Variants in GREM1 observed in about 807,000 individuals in gnomAD.
GREM1 encodes gremlin-1.
In GREM1, 6 loss-of-function variants were observed where a neutral mutation model predicts 13.1. The ratio of observed to expected loss-of-function variants is 0.46; its 90% CI spans 0.25 to 0.91. The LOEUF (loss-of-function observed/expected upper bound fraction) is 0.91. Ranked by LOEUF, GREM1 falls within the 40% of genes least tolerant of loss-of-function variation. The pLI is 0.18. For synonymous variants in GREM1, 98 were observed against 93.7 expected (o/e 1.05, Z -0.27); for missense variants, 185 against 233.9 (o/e 0.79, Z 1.36).
intron 1 of GREM1, chr15:32,718,500 C>G (rs1255355817): frequency 6.5e-6 from 3 of 460,682 alleles, no homozygotes; most frequent in Admixed American, 2.4e-5. Flanking sequence ...GCCCGCTTAG[C>G]GAGGGCGCGA....
rs887100661 is a variant in GREM1 at position 32,744,127 on chromosome 15, T to C, written c.*12882T>C. 2 of 152,216 alleles carry C rather than the reference T, an allele frequency of 1.3e-5. No homozygotes were observed. Among genetic ancestry groups the C allele is most frequent in the Admixed American group, 6.5e-5 (1 of 15,280 alleles). The allele number at this position is 152,216 out of a possible 1,614,324, so 9.4% of individuals were successfully genotyped here. A position where few individuals can be genotyped will look rare whatever the true frequency, so the allele number is the denominator to read the frequency against. ...GGGTATTTGGGCTTCACCTCTTGAA[T>C]GGAGAAGCACCCAAAAATCTGTGGC... On this transcript the variant is annotated 3_prime_UTR_variant, in exon 2 of 2. Transcript: ENST00000651154.
At position 32,737,396 on chromosome 15, in the gene GREM1, C is replaced by T. The variant is rs1399375347; in HGVS notation, c.*6151C>T. The T allele has an allele frequency of 2.0e-5, 3 of 152,102 alleles. No homozygotes were observed. Among genetic ancestry groups the T allele is most frequent in the African/African-American group, 7.2e-5 (3 of 41,422 alleles). 9.4% of individuals were successfully genotyped at this position (152,102 alleles called of 1,614,324 possible). On this transcript the variant is annotated 3_prime_UTR_variant, in exon 2 of 2. Coordinates refer to ENST00000651154, the MANE Select transcript of GREM1 (RefSeq NM_013372.7). Reference sequence around the variant, plus strand: ...CAAAATGCTAGATAACTGGGTCCAACAACATATGGAAAGGATTATATACCT... The same window carrying T: ...CAAAATGCTAGATAACTGGGTCCAATAACATATGGAAAGGATTATATACCT...
rs897021527 is a variant in GREM1 at position 32,735,244 on chromosome 15, C to T, written c.*3999C>T. 1.3e-5 allele frequency: 2 copies of T among 152,132 alleles called. No homozygotes were observed. The highest frequency in any genetic ancestry group is 2.4e-5 in the African/African-American group (1 of 41,422). The allele number at this position is 152,132 out of a possible 1,614,324, so 9.4% of individuals were successfully genotyped here. A position where few individuals can be genotyped will look rare whatever the true frequency, so the allele number is the denominator to read the frequency against. On this transcript the variant is annotated 3_prime_UTR_variant, in exon 2 of 2. Transcript: ENST00000651154. ...TACTTAGATATATAATACAAGATTT[C>T]TATTAGGTATGGGTGCTCTGATGAT...
chr15:32,740,330 T>C lies in GREM1; in HGVS notation c.*9085T>C, dbSNP rs970682875. 2 of 152,194 alleles carry C rather than the reference T, an allele frequency of 1.3e-5. No homozygotes were observed. Among genetic ancestry groups the C allele is most frequent in the Non-Finnish European group, 2.9e-5 (2 of 68,034 alleles). 9.4% of individuals were successfully genotyped at this position (152,194 alleles called of 1,614,324 possible). ...GACAGAGAATTCAGAATAGCTCTCATAAAGATTCTCACCAGAGTCAAGAGA... is the reference window on the plus strand; with the variant it reads ...GACAGAGAATTCAGAATAGCTCTCACAAAGATTCTCACCAGAGTCAAGAGA... On this transcript the variant is annotated 3_prime_UTR_variant, in exon 2 of 2. Transcript: ENST00000651154.
chr15:32,719,904 T>C (rs1414016888), intron 1 of GREM1, among the ~76,000 whole-genome samples: 1 of 152,174 alleles, frequency 6.6e-6, no homozygotes, highest in Non-Finnish European at 1.5e-5. Context: ...GGGGGGGATG[T>C]ACTTTTCAAA....
chr15:32,725,249 C>T (rs1218034550), intron 1 of GREM1, among the ~76,000 whole-genome samples: 1 of 152,154 alleles, frequency 6.6e-6, no homozygotes, highest in Non-Finnish European at 1.5e-5. Flanking sequence ...TACACTCCCA[C>T]CAACAGTGTA....
At position 32,737,941 on chromosome 15, in the gene GREM1, A is replaced by AAAAAAG. The variant is rs1363151390; in HGVS notation, c.*6700_*6701insAGAAAA. On this transcript the variant is annotated 3_prime_UTR_variant, in exon 2 of 2. Transcript: ENST00000651154. ...AAAACTCTGTCTCAAAAAAAAAAAA[A>AAAAAAG]AAAAGAAAAGAAAAACCCACAGCTA... 11,212 of 135,918 alleles carry AAAAAAG rather than the reference A, an allele frequency of 0.082. 748 individuals are homozygous for AAAAAAG. The highest frequency in any genetic ancestry group is 0.12 in the Non-Finnish European group (7,632 of 61,736). 8.4% of individuals were successfully genotyped at this position (135,918 alleles called of 1,614,324 possible).
Position 32,737,357 on chromosome 15 carries a change from G to A in GREM1, c.*6112G>A, listed in dbSNP as rs1432631387. 2 of 151,988 alleles carry A rather than the reference G, an allele frequency of 1.3e-5. No individual in the cohort carries two copies. The highest frequency in any genetic ancestry group is 3.9e-4 in the East Asian group (2 of 5,182). 9.4% of individuals were successfully genotyped at this position (151,988 alleles called of 1,614,324 possible). A position where few individuals can be genotyped will look rare whatever the true frequency, so the allele number is the denominator to read the frequency against. The stretch of plus-strand genomic sequence containing the variant: ...ACCAATATCTCTTTTAAGTGTAAAT[G>A]CAAAAAAATTCAACAAAATGCTAGA... On this transcript the variant is annotated 3_prime_UTR_variant, in exon 2 of 2. Coordinates refer to ENST00000651154, the MANE Select transcript of GREM1 (RefSeq NM_013372.7).
intron 1 of GREM1, among the ~76,000 whole-genome samples, chr15:32,728,148 T>C (rs2055547147): frequency 6.6e-6 from 1 of 152,014 alleles, no homozygotes; most frequent in Non-Finnish European, 1.5e-5. Flanking sequence ...TTAAATTTCA[T>C]ATGGAACTGA....
chr15:32,726,643 A>T (rs933556649), intron 1 of GREM1, among the ~76,000 whole-genome samples: 5 of 152,082 alleles, frequency 3.3e-5, no homozygotes, highest in African/African-American at 1.2e-4. Context: ...AATAACTAAG[A>T]TCAGAGCAGA....
intron 1 of GREM1, among the ~76,000 whole-genome samples, chr15:32,721,487 G>C (rs1328171263): frequency 6.6e-6 from 1 of 152,180 alleles, no homozygotes; most frequent in African/African-American, 2.4e-5. Context: ...GGGTGAGGTG[G>C]CTCACGCTTG....
rs911214022 is a variant in GREM1 at position 32,735,469 on chromosome 15, A to G, written c.*4224A>G. 3 of 152,222 alleles carry G rather than the reference A, an allele frequency of 2.0e-5. No homozygotes were observed. Among genetic ancestry groups the G allele is most frequent in the Admixed American group, 6.5e-5 (1 of 15,284 alleles). The allele number at this position is 152,222 out of a possible 1,614,324, so 9.4% of individuals were successfully genotyped here. A position where few individuals can be genotyped will look rare whatever the true frequency, so the allele number is the denominator to read the frequency against. On this transcript the variant is annotated 3_prime_UTR_variant, in exon 2 of 2. Transcript: ENST00000651154. ...TTATGCAAAACTGTGAGCAACTTTT[A>G]TCGGTTTGTTCTTTTAAGAACATAA...
chr15:32,729,148 C>T lies in GREM1; in HGVS notation c.-1-1542C>T, dbSNP rs1013252107. ...ACGCCATTCTCCTGCCTTAGACTCCCGAGTAGCTGGCACTACAGGCGCCCG... is the reference window on the plus strand; with the variant it reads ...ACGCCATTCTCCTGCCTTAGACTCCTGAGTAGCTGGCACTACAGGCGCCCG... On this transcript the variant is annotated intron_variant, in intron 1 of 1. Coordinates refer to ENST00000651154, the MANE Select transcript of GREM1 (RefSeq NM_013372.7). Among the ~76,000 whole-genome samples the T allele has an allele frequency of 1.1e-4, 17 of 151,872 alleles. 1 individual carries two copies. The highest frequency in any genetic ancestry group is 2.1e-4 in the Non-Finnish European group (14 of 67,852).
At chr15:32,718,494 GCTTAGC>G (rs1567106126) in intron 1 of GREM1, 2 of 462,164 alleles carry the variant, frequency 4.3e-6, no homozygotes, top group Admixed American at 4.7e-5. Flanking sequence ...AGACGCGCCC[GCTTAGC>G]GAGGGCGCGA....
In GREM1 at chr15:32,731,750, T is replaced by C. The variant is rs3743105; in HGVS notation, c.*505T>C. The C allele has an allele frequency of 0.53, 127,847 of 242,012 alleles. 36,432 individuals are homozygous for C. Among genetic ancestry groups the C allele is most frequent in the East Asian group, 0.71 (10,863 of 15,384 alleles). The allele number at this position is 242,012 out of a possible 1,614,324, so 15.0% of individuals were successfully genotyped here. A position where few individuals can be genotyped will look rare whatever the true frequency, so the allele number is the denominator to read the frequency against. ...CACAATCCATCTCTTCTTAAGTTGA[T>C]AGTGACTATGTCAGTCTAATCTCTT... On this transcript the variant is annotated 3_prime_UTR_variant, in exon 2 of 2. Transcript: ENST00000651154.
rs554843847 is a variant in GREM1 at position 32,742,560 on chromosome 15, T to C, written c.*11315T>C. 3.9e-5 allele frequency: 6 copies of C among 152,278 alleles called. No individual in the cohort carries two copies. In the South Asian group the frequency reaches 6.2e-4, roughly 16 times the overall value. 9.4% of individuals were successfully genotyped at this position (152,278 alleles called of 1,614,324 possible). A position where few individuals can be genotyped will look rare whatever the true frequency, so the allele number is the denominator to read the frequency against. ...ATCTGAAGCCACAAAAGACAATGAA[T>C]AAACAAATCAATCTTGAAAAAGAAG... On this transcript the variant is annotated 3_prime_UTR_variant, in exon 2 of 2. Transcript: ENST00000651154.
chr15:32,730,053 C>CTT (rs2140688369), intron 1 of GREM1, among the ~76,000 whole-genome samples: 1 of 152,284 alleles, frequency 6.6e-6, no homozygotes, highest in South Asian at 2.1e-4. Context: ...GTATTGGTAT[C>CTT]TTTGCTTAAA....
In GREM1 at chr15:32,741,564, T is replaced by G. The variant is rs1207745013; in HGVS notation, c.*10319T>G. ...TTACTGAATTTATTAGTTCTAACAG[T>G]TTTTTGATGGAGTCTTTAGGGTTTT... On this transcript the variant is annotated 3_prime_UTR_variant, in exon 2 of 2. Coordinates refer to ENST00000651154, the MANE Select transcript of GREM1 (RefSeq NM_013372.7). 1.3e-5 allele frequency: 2 copies of G among 152,116 alleles called. No homozygotes were observed. Among genetic ancestry groups the G allele is most frequent in the African/African-American group, 4.8e-5 (2 of 41,440 alleles). The allele number at this position is 152,116 out of a possible 1,614,324, so 9.4% of individuals were successfully genotyped here. A position where few individuals can be genotyped will look rare whatever the true frequency, so the allele number is the denominator to read the frequency against.
intron 1 of GREM1, among the ~76,000 whole-genome samples, chr15:32,726,647 G>C (rs1248563466): frequency 1.3e-5 from 2 of 149,226 alleles, no homozygotes; most frequent in Admixed American, 1.3e-4. Flanking sequence ...ACTAAGATCA[G>C]AGCAGAACTG....
Sources: allele counts gnomAD v4.1 joint callset (sites outside exome capture counted in the v4.1 genomes callset), GRCh38; gene constraint gnomAD v4.1.1; transcripts MANE v1.5; gene names NCBI Gene and HGNC (gene_info 2026-07-23, HGNC 2026-07-21).